RASSF8: variants seen among roughly 807,000 people sequenced by gnomAD.
RASSF8 encodes the protein Ras association domain family member 8, also known as ras association domain-containing protein 8.
In RASSF8, 22 loss-of-function variants were observed where a neutral mutation model predicts 48.5. The observed-to-expected ratio is 0.45, with a 90% confidence interval of 0.32 to 0.65. RASSF8 has a LOEUF of 0.65. RASSF8 is among the 30% of genes least tolerant of loss of function. The probability of loss-of-function intolerance (pLI) is 0.03; values close to 1 mark genes in which losing one functional copy is unlikely to be tolerated. For synonymous variants in RASSF8, 127 were observed against 171.5 expected, an observed-to-expected ratio of 0.74 and a Z score of 2.03; for missense variants, 418 against 489.2, an observed-to-expected ratio of 0.85 and a Z score of 1.37.
At chr12:26,031,842 G>A (rs1210106794) in intron 2 of RASSF8, among the ~76,000 whole-genome samples, 3 of 152,112 alleles carry the variant, frequency 2.0e-5, no homozygotes, top group Non-Finnish European at 4.4e-5. Flanking sequence ...CTTATTCAGA[G>A]TAATCTAAAA....
chr12:26,017,313 G>T (rs1942674512), intron 2 of RASSF8, among the ~76,000 whole-genome samples: 3 of 152,056 alleles, frequency 2.0e-5, no homozygotes, highest in Non-Finnish European at 4.4e-5. Context: ...TTTGAATAGG[G>T]AAAGTTTAAT....
chr12:25,989,372 G>A (rs183638926), intron 1 of RASSF8, among the ~76,000 whole-genome samples: 1 of 152,268 alleles, frequency 6.6e-6, no homozygotes, highest in Admixed American at 6.5e-5. Flanking sequence ...GCATTTAACA[G>A]TGTCTTTCTT....
chr12:26,078,555 A>G (rs1359239760), intron 5 of RASSF8, among the ~76,000 whole-genome samples: 1 of 152,226 alleles, frequency 6.6e-6, no homozygotes, highest in Non-Finnish European at 1.5e-5. Context: ...TCACTTGATC[A>G]TTCTCAGATC....
At chr12:26,067,002 C>T (rs772238310) in intron 4 of RASSF8, among the ~76,000 whole-genome samples, 5 of 152,164 alleles carry the variant, frequency 3.3e-5, no homozygotes, top group Non-Finnish European at 7.4e-5. Context: ...TCTTGCTTTC[C>T]TCATGCTGTA....
At chr12:25,998,664 G>A (rs1439110798) in intron 2 of RASSF8, among the ~76,000 whole-genome samples, 2 of 152,090 alleles carry the variant, frequency 1.3e-5, no homozygotes, top group Admixed American at 6.5e-5. Flanking sequence ...TTTTCTTAAG[G>A]TTTGATTCTC....
chr12:25,994,280 A>T (rs55853412), intron 1 of RASSF8, among the ~76,000 whole-genome samples: 30 of 3,518 alleles, frequency 8.5e-3, no homozygotes, highest in East Asian at 0.062. Context: ...TAGATTTTTA[A>T]AAAAAAAAAA....
At chr12:25,965,193 G>A (rs939849239) in intron 1 of RASSF8, among the ~76,000 whole-genome samples, 8 of 151,890 alleles carry the variant, frequency 5.3e-5, no homozygotes, top group African/African-American at 1.7e-4. Flanking sequence ...CGCCTGCCTC[G>A]GCCTCCCAAA....
At chr12:26,014,720 T>C (rs923146664) in intron 2 of RASSF8, among the ~76,000 whole-genome samples, 1 of 152,206 alleles carries the variant, frequency 6.6e-6, no homozygotes, top group Non-Finnish European at 1.5e-5. Context: ...GCAGAAACTT[T>C]GAAGTTTTCA....
intron 2 of RASSF8, among the ~76,000 whole-genome samples, chr12:26,010,105 G>A (rs1433528565): frequency 1.3e-5 from 2 of 152,198 alleles, no homozygotes; most frequent in Admixed American, 1.3e-4. Context: ...ACGTGCCATG[G>A]CCCAGGAATG....
At chr12:26,056,460 T>C (rs1380896732) in intron 3 of RASSF8, among the ~76,000 whole-genome samples, 1 of 152,192 alleles carries the variant, frequency 6.6e-6, no homozygotes, top group Non-Finnish European at 1.5e-5. Context: ...CCATGCTAAG[T>C]GTTCAGGGCC....
At chr12:25,996,299 A>G (rs1237243187) in intron 2 of RASSF8, among the ~76,000 whole-genome samples, 3 of 152,250 alleles carry the variant, frequency 2.0e-5, no homozygotes, top group Admixed American at 6.5e-5. Flanking sequence ...GTAATGTGCT[A>G]TGTAGTACAA....
At chr12:26,007,734 T>G (rs1942426095) in intron 2 of RASSF8, among the ~76,000 whole-genome samples, 1 of 152,206 alleles carries the variant, frequency 6.6e-6, no homozygotes, top group Non-Finnish European at 1.5e-5. Flanking sequence ...GCATTCTTAC[T>G]CTAGTTTAAC....
chr12:26,070,327 C>G lies in RASSF8; in HGVS notation c.*1509C>G. ...GGTTTAGTGAATGCTGACAATGCTG[C>G]TCTACTTAGGTTTCCTATGAAATTT... On this transcript the variant is annotated 3_prime_UTR_variant, in exon 6 of 6. Coordinates refer to ENST00000689635, the MANE Select transcript of RASSF8 (RefSeq NM_001394098.1). 1.0e-6 allele frequency: 1 copy of G among 985,328 alleles called. No individual in the cohort carries two copies. The highest frequency in any genetic ancestry group is 1.7e-5 in the African/African-American group (1 of 57,356). 61.0% of individuals were successfully genotyped at this position (985,328 alleles called of 1,614,324 possible).
At chr12:25,990,767 A>G (rs551340295) in intron 1 of RASSF8, among the ~76,000 whole-genome samples, 2 of 152,336 alleles carry the variant, frequency 1.3e-5, no homozygotes, top group East Asian at 1.9e-4. Flanking sequence ...ATAGTTTAGA[A>G]TTCTGTAGTA....
At position 26,071,393 on chromosome 12, in the gene RASSF8, A is replaced by G. The variant is rs751648859; in HGVS notation, c.*2575A>G. The G allele has an allele frequency of 4.2e-6, 4 of 947,862 alleles. No individual in the cohort carries two copies. Among genetic ancestry groups the G allele is most frequent in the Non-Finnish European group, 5.0e-6 (4 of 796,636 alleles). 58.7% of individuals were successfully genotyped at this position (947,862 alleles called of 1,614,324 possible). On this transcript the variant is annotated 3_prime_UTR_variant, in exon 6 of 6. Transcript: ENST00000689635. Reference sequence around the variant, plus strand: ...GTTCTAAATACTAAATTAGATTTCAATGTTTTGTGTTTTTTTTAAAAAAAT... The same window carrying G: ...GTTCTAAATACTAAATTAGATTTCAGTGTTTTGTGTTTTTTTTAAAAAAAT...
intron 2 of RASSF8, among the ~76,000 whole-genome samples, chr12:26,005,919 A>G (rs973862316): frequency 2.0e-5 from 3 of 152,356 alleles, no homozygotes; most frequent in South Asian, 2.1e-4. Flanking sequence ...AGAGTTCTGT[A>G]TCAGTTGAAT....
At chr12:26,019,391 A>G (rs1479099056) in intron 2 of RASSF8, among the ~76,000 whole-genome samples, 17 of 152,204 alleles carry the variant, frequency 1.1e-4, no homozygotes. Flanking sequence ...TAGGTACAGC[A>G]CCCATCTGCA....
chr12:25,973,523 G>T (rs998589126), intron 1 of RASSF8, among the ~76,000 whole-genome samples: 8 of 152,200 alleles, frequency 5.3e-5, no homozygotes, highest in African/African-American at 1.4e-4. Flanking sequence ...AACTTGAGAT[G>T]CTGAGTTTGT....
chr12:25,988,112 C>T (rs1000911691), intron 1 of RASSF8, among the ~76,000 whole-genome samples: 5 of 151,644 alleles, frequency 3.3e-5, no homozygotes, highest in African/African-American at 9.7e-5. Flanking sequence ...CTGCCTGCCT[C>T]GGCCTCCCAA....
Sources: allele counts gnomAD v4.1 joint callset (sites outside exome capture counted in the v4.1 genomes callset), GRCh38; gene constraint gnomAD v4.1.1; transcripts MANE v1.5; gene names NCBI Gene and HGNC (gene_info 2026-07-23, HGNC 2026-07-21).